Variants in NEGR1 observed in about 807,000 individuals in gnomAD.
NEGR1 encodes neuronal growth regulator 1, also known as IgLON family member 4.
NEGR1 carries 10 observed loss-of-function variants against 40.9 expected under a neutral mutation model. That is an observed-to-expected ratio of 0.24 (90% CI 0.15 to 0.42). NEGR1 has a LOEUF of 0.42. NEGR1 is among the 10% of genes least tolerant of loss of function. NEGR1 has a pLI of 1.00. For missense variants in NEGR1, 352 were observed against 438.9 expected (o/e 0.80, Z 1.77); for synonymous variants, 185 against 166.8 (o/e 1.11, Z -0.84).
chr1:71,896,568 T>C (rs976970855), intron 2 of NEGR1, among the ~76,000 whole-genome samples: 1 of 152,194 alleles, frequency 6.6e-6, no homozygotes, highest in Admixed American at 6.5e-5. Flanking sequence ...ATTTATCTAT[T>C]TTTTCTTTGA....
intron 6 of NEGR1, among the ~76,000 whole-genome samples, chr1:71,519,697 T>A (rs1647140271): frequency 7.8e-6 from 1 of 128,368 alleles, no homozygotes. Flanking sequence ...ACCTGCACAA[T>A]GTGCACATGT....
chr1:71,898,926 G>A (rs1189608176), intron 2 of NEGR1, among the ~76,000 whole-genome samples: 3 of 86,152 alleles, frequency 3.5e-5, no homozygotes, highest in Admixed American at 1.2e-4. Flanking sequence ...ATATATATTT[G>A]CAAATATATA....
intron 2 of NEGR1, among the ~76,000 whole-genome samples, chr1:71,918,491 C>T (rs76300015): frequency 0.016 from 2,502 of 152,098 alleles, 81 homozygotes; most frequent in African/African-American, 0.057. Flanking sequence ...AAATGGTCTG[C>T]AAGGTATCTT....
chr1:71,929,608 C>T (rs1055340753), intron 2 of NEGR1, among the ~76,000 whole-genome samples: 4 of 152,028 alleles, frequency 2.6e-5, no homozygotes, highest in Non-Finnish European at 4.4e-5. Context: ...TTGTTAGTGG[C>T]GATAATTTTT....
chr1:72,131,884 G>C (rs1215326141), intron 1 of NEGR1, among the ~76,000 whole-genome samples: 1 of 152,084 alleles, frequency 6.6e-6, no homozygotes, highest in Non-Finnish European at 1.5e-5. Flanking sequence ...ATCACCTGAG[G>C]CCATGAGTTT....
intron 1 of NEGR1, among the ~76,000 whole-genome samples, chr1:72,117,681 G>A (rs2100283135): frequency 6.6e-6 from 1 of 151,840 alleles, no homozygotes; most frequent in East Asian, 1.9e-4. Flanking sequence ...CAGTCCCCCA[G>A]AGCCAGACAT....
At chr1:71,731,251 C>T (rs1187190825) in intron 3 of NEGR1, among the ~76,000 whole-genome samples, 1 of 152,098 alleles carries the variant, frequency 6.6e-6, no homozygotes, top group East Asian at 1.9e-4. Context: ...TACCATATGA[C>T]ATATTTTGTA....
chr1:71,896,778 G>T (rs1348660596), intron 2 of NEGR1, among the ~76,000 whole-genome samples: 1 of 152,070 alleles, frequency 6.6e-6, no homozygotes, highest in East Asian at 1.9e-4. Flanking sequence ...AAATCCAGTG[G>T]TTCCCAGCAA....
chr1:71,928,507 C>CACACATAT (rs1645821888), intron 2 of NEGR1, among the ~76,000 whole-genome samples: 1 of 106,386 alleles, frequency 9.4e-6, no homozygotes, highest in Admixed American at 1.0e-4. Context: ...CATATGTATA[C>CACACATAT]ATGTGTATAT....
At chr1:71,597,470 C>CTGTGTGTGTGTGTGTGTG (rs1365847832) in intron 5 of NEGR1, among the ~76,000 whole-genome samples, 9 of 24,794 alleles carry the variant, frequency 3.6e-4, no homozygotes, top group Admixed American at 5.5e-4. Flanking sequence ...CTCTCTCTCT[C>CTGTGTGTGTGTGTGTGTG]TCTGTGTGTG....
rs968712027 is a variant in NEGR1 at position 72,037,930 on chromosome 1, G to T, written c.177-102619C>A. On this transcript the variant is annotated intron_variant, in intron 1 of 6. Coordinates refer to ENST00000357731, the MANE Select transcript of NEGR1 (RefSeq NM_173808.3). ...GTGTTTATGACCATCACTCAAAGTT[G>T]CTGCCACCTGCTGGTGGTATTCTTT... 3.3e-5 allele frequency among the ~76,000 whole-genome samples: 5 copies of T among 152,062 alleles called. No individual in the cohort carries two copies. The East Asian group carries it at 9.7e-4, about 30-fold the overall frequency.
chr1:71,646,931 C>T (rs953899308), intron 4 of NEGR1, among the ~76,000 whole-genome samples: 2 of 151,724 alleles, frequency 1.3e-5, no homozygotes, highest in Non-Finnish European at 2.9e-5. Context: ...ATTTAAGAAA[C>T]AGACTATAAG....
At chr1:71,883,837 G>C (rs547931742) in intron 2 of NEGR1, among the ~76,000 whole-genome samples, 15 of 148,828 alleles carry the variant, frequency 1.0e-4, no homozygotes, top group Admixed American at 8.2e-4. Context: ...TTGGTTTTCT[G>C]TCTAAAGGAG....
intron 4 of NEGR1, among the ~76,000 whole-genome samples, chr1:71,611,365 T>C (rs1023329914): frequency 6.6e-6 from 1 of 152,084 alleles, no homozygotes; most frequent in Non-Finnish European, 1.5e-5. Flanking sequence ...TTTCAGGGAG[T>C]GCAGAGTAAA....
chr1:71,968,938 C>T (rs903502622), intron 1 of NEGR1, among the ~76,000 whole-genome samples: 2 of 152,062 alleles, frequency 1.3e-5, no homozygotes, highest in Non-Finnish European at 2.9e-5. Flanking sequence ...CTGGTAAAAT[C>T]ATTTGCATGA....
intron 1 of NEGR1, among the ~76,000 whole-genome samples, chr1:72,225,297 C>T (rs1291872497): frequency 1.3e-5 from 2 of 151,856 alleles, no homozygotes; most frequent in African/African-American, 4.8e-5. Context: ...TAACAATATC[C>T]TTCATTTCTC....
intron 6 of NEGR1, among the ~76,000 whole-genome samples, chr1:71,523,022 T>C (rs1283303536): frequency 2.0e-5 from 3 of 151,950 alleles, no homozygotes; most frequent in East Asian, 3.9e-4. Context: ...AAGTGTGATA[T>C]GAAAGATGTC....
chr1:71,413,077 C>G (rs1646333846), intron 6 of NEGR1, among the ~76,000 whole-genome samples: 1 of 152,140 alleles, frequency 6.6e-6, no homozygotes, highest in Non-Finnish European at 1.5e-5. Context: ...AATTCCATCC[C>G]TTTCTAACTG....
chr1:71,780,911 G>C (rs569408001), intron 2 of NEGR1, among the ~76,000 whole-genome samples: 1 of 152,262 alleles, frequency 6.6e-6, no homozygotes, highest in South Asian at 2.1e-4. Flanking sequence ...CCAGGTATGA[G>C]TCACTTTCAG....
Sources: allele counts gnomAD v4.1 joint callset (sites outside exome capture counted in the v4.1 genomes callset), GRCh38; gene constraint gnomAD v4.1.1; transcripts MANE v1.5; gene names NCBI Gene and HGNC (gene_info 2026-07-23, HGNC 2026-07-21).